Variants in KDM2A observed in about 807,000 individuals in gnomAD.
The protein encoded by KDM2A is lysine demethylase 2A.
A neutral mutation model predicts 137.3 loss-of-function variants in KDM2A; 3 were observed. The ratio of observed to expected loss-of-function variants is 0.02; its 90% CI spans 0.01 to 0.06. KDM2A has a LOEUF of 0.06. KDM2A is among the 10% of genes least tolerant of loss of function. The pLI, the probability that KDM2A is intolerant of heterozygous loss-of-function variation, is 1.00. For missense variants in KDM2A, 738 were observed against 1,510.6 expected, an observed-to-expected ratio of 0.49 and a Z score of 8.48; for synonymous variants, 512 against 541.5, an observed-to-expected ratio of 0.95 and a Z score of 0.76.
rs768331087 is a variant in KDM2A at position 67,207,574 on chromosome 11, T to G, written c.372T>G (p.Ala124=). 74 of 1,613,600 alleles carry G rather than the reference T, an allele frequency of 4.6e-5. No individual in the cohort carries two copies. Among genetic ancestry groups the G allele is most frequent in the Non-Finnish European group, 5.9e-5 (70 of 1,179,810 alleles). ...NTQKGIEMTM[A]QWTRYYETPE... ...AGAAAGGCATTGAAATGACCATGGCTCAGTGGACACGCTACTATGAGACCC... is the reference window on the plus strand; with the variant it reads ...AGAAAGGCATTGAAATGACCATGGCGCAGTGGACACGCTACTATGAGACCC... The change falls in exon 6 of 21, where the codon GCT becomes GCG. Residue 124 remains alanine (A), a synonymous_variant. Coordinates refer to ENST00000529006, the MANE Select transcript of KDM2A (RefSeq NM_012308.3).
chr11:67,190,062 G>A (rs1857312870), intron 5 of KDM2A, among the ~76,000 whole-genome samples: 2 of 152,188 alleles, frequency 1.3e-5, no homozygotes, highest in South Asian at 4.1e-4. Flanking sequence ...AATTGACAAA[G>A]CTTTATTTAG....
chr11:67,158,108 T>G (rs1184590787), intron 2 of KDM2A, among the ~76,000 whole-genome samples: 1 of 150,890 alleles, frequency 6.6e-6, no homozygotes, highest in African/African-American at 2.4e-5. Context: ...TCATCCCCTT[T>G]CCTCTCCCCC....
intron 10 of KDM2A, among the ~76,000 whole-genome samples, chr11:67,226,287 A>G (rs1858541918): frequency 6.6e-6 from 1 of 152,098 alleles, no homozygotes; most frequent in African/African-American, 2.4e-5. Flanking sequence ...TCATTCATGA[A>G]CAGTTGTTGG....
At chr11:67,233,016 T>A (rs1858762944) in intron 12 of KDM2A, among the ~76,000 whole-genome samples, 1 of 152,116 alleles carries the variant, frequency 6.6e-6, no homozygotes, top group Non-Finnish European at 1.5e-5. Context: ...AACCTTGAGC[T>A]ATCTAAACTG....
At chr11:67,133,096 G>GTATT (rs753944944) in intron 2 of KDM2A, among the ~76,000 whole-genome samples, 1 of 151,966 alleles carries the variant, frequency 6.6e-6, no homozygotes, top group Non-Finnish European at 1.5e-5. Context: ...GCTTTTATTC[G>GTATT]TATTTATTTA....
intron 2 of KDM2A, among the ~76,000 whole-genome samples, chr11:67,130,829 C>T (rs781471844): frequency 1.3e-5 from 2 of 151,410 alleles, no homozygotes; most frequent in Non-Finnish European, 2.9e-5. Flanking sequence ...CTCAAAACAA[C>T]CCTGGAAGGT....
chr11:67,129,927 T>G (rs1855815404), intron 2 of KDM2A, among the ~76,000 whole-genome samples: 2 of 151,240 alleles, frequency 1.3e-5, no homozygotes, highest in South Asian at 4.2e-4. Flanking sequence ...ATTAAAAAAA[T>G]TAAAGTTTAG....
intron 5 of KDM2A, among the ~76,000 whole-genome samples, chr11:67,205,552 C>G (rs558775060): frequency 6.6e-6 from 1 of 152,100 alleles, no homozygotes; most frequent in African/African-American, 2.4e-5. Context: ...CTCACCCTCC[C>G]GAGTAGCCGG....
At chr11:67,184,851 AAC>A (rs1461566640) in intron 5 of KDM2A, among the ~76,000 whole-genome samples, 1 of 152,154 alleles carries the variant, frequency 6.6e-6, no homozygotes, top group Non-Finnish European at 1.5e-5. Flanking sequence ...ACAAAAACAA[AAC>A]ACACAATAAT....
chr11:67,255,425 G>A lies in KDM2A; in HGVS notation c.*370G>A, dbSNP rs1372819859. 1.1e-5 allele frequency: 5 copies of A among 467,544 alleles called. No homozygotes were observed. Among genetic ancestry groups the A allele is most frequent in the South Asian group, 6.2e-5 (4 of 64,628 alleles). 29.0% of individuals were successfully genotyped at this position (467,544 alleles called of 1,614,324 possible). ...TCCTCCCCATCCATGGTCCCCAGCA[G>A]TGCCTGGTTCTGAGCAAACTCCCAG... is the stretch of plus-strand genomic sequence containing the variant. On this transcript the variant is annotated 3_prime_UTR_variant, in exon 21 of 21. Transcript: ENST00000529006.
chr11:67,229,576 A>T (rs1378069143), intron 11 of KDM2A, among the ~76,000 whole-genome samples: 1 of 152,188 alleles, frequency 6.6e-6, no homozygotes, highest in Non-Finnish European at 1.5e-5. Context: ...TTCTCAGTTG[A>T]AAATAAAAAA....
chr11:67,215,645 A>G, intron 7 of KDM2A, 199 bp downstream of exon 7: 1 of 624,830 alleles, frequency 1.6e-6, no homozygotes, highest in East Asian at 2.7e-5. Context: ...GTTAAAGGAA[A>G]AAAAACTTAC....
At chr11:67,230,830 G>A (rs1212626567) in intron 11 of KDM2A, among the ~76,000 whole-genome samples, 1 of 151,880 alleles carries the variant, frequency 6.6e-6, no homozygotes, top group Non-Finnish European at 1.5e-5. Flanking sequence ...ACTGTGTTTT[G>A]ACTATCAAAA....
In KDM2A at chr11:67,156,991, A is replaced by T. The variant is rs535649810; in HGVS notation, c.43-23088A>T. ...GGCTGTATGGCCCACAAAATTTAAA[A>T]TATTTACCCTCTGGCCCCTTTCATT... On this transcript the variant is annotated intron_variant, in intron 2 of 20. Transcript: ENST00000529006. 2.0e-5 allele frequency among the ~76,000 whole-genome samples: 3 copies of T among 152,068 alleles called. No homozygotes were observed. In the East Asian group the frequency reaches 5.8e-4, roughly 29 times the overall value.
chr11:67,215,780 G>T, intron 7 of KDM2A, 76 bp from the exon 8 acceptor site: 2 of 1,028,756 alleles, frequency 1.9e-6, no homozygotes, highest in South Asian at 2.6e-5. Flanking sequence ...TATATAAGAG[G>T]AGAGTATGGC....
At chr11:67,234,226 T>C (rs1311043023) in intron 12 of KDM2A, among the ~76,000 whole-genome samples, 4 of 152,132 alleles carry the variant, frequency 2.6e-5, no homozygotes, top group African/African-American at 7.2e-5. Flanking sequence ...AAAAAAGCAT[T>C]AGATTGGGTA....
intron 9 of KDM2A, among the ~76,000 whole-genome samples, chr11:67,218,456 G>C (rs1858235659): frequency 6.6e-6 from 1 of 152,134 alleles, no homozygotes; most frequent in African/African-American, 2.4e-5. Context: ...TATCCAACCT[G>C]CAGGCCACAG....
rs71461635 is a variant in KDM2A, at chr11:67,130,129, AT to A, written c.42+8784del. On this transcript the variant is annotated intron_variant, in intron 2 of 20. Coordinates refer to ENST00000529006, the MANE Select transcript of KDM2A (RefSeq NM_012308.3). ...AGGCGTCCGCCACCCCACCTGGCTA[AT>A]TTTTTTTTTTTTCTTGCACCAAAGC... Among the ~76,000 whole-genome samples the A allele has an allele frequency of 1.0e-3, 145 of 142,900 alleles. 1 individual carries two copies. Among genetic ancestry groups the A allele is most frequent in the Middle Eastern group, 7.3e-3 (2 of 274 alleles). The allele number at this position is 142,900 out of a possible 152,430, so 93.7% of individuals were successfully genotyped here.
intron 12 of KDM2A, among the ~76,000 whole-genome samples, chr11:67,238,924 C>G (rs374654359): frequency 3.3e-5 from 5 of 152,130 alleles, no homozygotes; most frequent in Admixed American, 2.6e-4. Flanking sequence ...GAGTGTGCAC[C>G]CTCCTTTCCT....
Sources: gnomAD v4.1 joint callset for allele counts (sites outside exome capture counted in the v4.1 genomes callset) on GRCh38, gnomAD v4.1.1 for gene constraint, MANE v1.5 for transcripts, NCBI Gene and HGNC (gene_info 2026-07-23, HGNC 2026-07-21) for gene names.